Variants in TRA2A observed in about 807,000 individuals in gnomAD.
The protein encoded by TRA2A is transformer-2 protein homolog alpha.
A neutral mutation model predicts 45.7 loss-of-function variants in TRA2A; 31 were observed. That is an observed-to-expected ratio of 0.68 (90% CI 0.51 to 0.92). The LOEUF is 0.92. Ranked by LOEUF, TRA2A falls within the 40% of genes least tolerant of loss-of-function variation. The probability of loss-of-function intolerance (pLI) is 0.00; values close to 1 mark genes in which losing one functional copy is unlikely to be tolerated. For missense variants in TRA2A, 304 were observed against 367.5 expected (o/e 0.83, Z 1.41); for synonymous variants, 132 against 126.2 (o/e 1.05, Z -0.31).
intron 1 of TRA2A, chr7:23,522,091 A>T: frequency 7.5e-7 from 1 of 1,329,386 alleles, no homozygotes; most frequent in Non-Finnish European, 9.7e-7. Flanking sequence ...CTACAACTTG[A>T]TCATACAGAC....
Position 23,505,313 on chromosome 7 carries a change from T to C in TRA2A, c.*246A>G, listed in dbSNP as rs1043837186. On this transcript the variant is annotated 3_prime_UTR_variant, in exon 8 of 8. Coordinates refer to ENST00000297071, the MANE Select transcript of TRA2A (RefSeq NM_013293.5). ...AAAAAAAAATTTACAAAGCATAACA[T>C]AACATTGGGGTTCTTTTTATACTCA... The C allele has an allele frequency of 2.9e-4, 113 of 390,476 alleles. No homozygotes were observed. Among genetic ancestry groups the C allele is most frequent in the Non-Finnish European group, 4.8e-4 (106 of 219,624 alleles). The allele number at this position is 390,476 out of a possible 1,614,324, so 24.2% of individuals were successfully genotyped here.
At chr7:23,531,194 T>C (rs910593568) in intron 1 of TRA2A, 7 of 986,256 alleles carry the variant, frequency 7.1e-6, no homozygotes, top group Non-Finnish European at 8.4e-6. Context: ...TTCATTAGGC[T>C]CGTCCCACCT....
intron 2 of TRA2A, among the ~76,000 whole-genome samples, chr7:23,521,147 C>T (rs1189279570): frequency 1.3e-5 from 2 of 152,196 alleles, no homozygotes; most frequent in Non-Finnish European, 2.9e-5. Flanking sequence ...GAGCTCTACG[C>T]TGGACAGAGT....
chr7:23,529,959 T>C (rs1790503542), intron 1 of TRA2A, among the ~76,000 whole-genome samples: 2 of 150,856 alleles, frequency 1.3e-5, no homozygotes, highest in Admixed American at 1.3e-4. Context: ...TGTCGGCAAC[T>C]TACTCCTTTC....
At chr7:23,509,888 T>C (rs1005101858) in intron 4 of TRA2A, among the ~76,000 whole-genome samples, 1 of 151,946 alleles carries the variant, frequency 6.6e-6, no homozygotes, top group Non-Finnish European at 1.5e-5. Flanking sequence ...TAGCCGGGCA[T>C]GGTGGTGCGC....
At chr7:23,529,538 G>T (rs1012265730) in intron 1 of TRA2A, among the ~76,000 whole-genome samples, 2 of 152,330 alleles carry the variant, frequency 1.3e-5, no homozygotes, top group Admixed American at 1.3e-4. Flanking sequence ...TTGGATTACA[G>T]GCGTGAGCCA....
chr7:23,519,144 A>T (rs1366300023), intron 2 of TRA2A, among the ~76,000 whole-genome samples: 1 of 152,184 alleles, frequency 6.6e-6, no homozygotes, highest in Non-Finnish European at 1.5e-5. Flanking sequence ...CTGTAATCCC[A>T]GCCCTTTGGG....
chr7:23,531,015 C>T (rs1362203757), intron 1 of TRA2A, among the ~76,000 whole-genome samples: 1 of 151,872 alleles, frequency 6.6e-6, no homozygotes, highest in Admixed American at 6.6e-5. Context: ...AGAGAAAAAA[C>T]CCAACATCGA....
At chr7:23,516,750 G>A (rs527332845) in intron 2 of TRA2A, among the ~76,000 whole-genome samples, 2 of 151,346 alleles carry the variant, frequency 1.3e-5, no homozygotes, top group Non-Finnish European at 2.9e-5. Context: ...TTACAAAAAT[G>A]TTAAGGCCCC....
chr7:23,528,315 T>G (rs1410034515), intron 1 of TRA2A, among the ~76,000 whole-genome samples: 1 of 152,038 alleles, frequency 6.6e-6, no homozygotes, highest in Admixed American at 6.6e-5. Flanking sequence ...TTCAAGTGAT[T>G]CTCTGCCTCA....
At chr7:23,531,265 C>T in intron 1 of TRA2A, 1 of 987,432 alleles carries the variant, frequency 1.0e-6, no homozygotes, top group Non-Finnish European at 1.2e-6. Context: ...GAGACGCGGC[C>T]GCTCACTGAA....
At chr7:23,531,739 C>G in intron 1 of TRA2A, 50 bp downstream of exon 1, 1 of 1,608,336 alleles carries the variant, frequency 6.2e-7, no homozygotes, top group Non-Finnish European at 8.5e-7. Context: ...TCCCGTGAAA[C>G]CCCGAGCATT....
At chr7:23,515,423 G>C (rs1017340591) in intron 3 of TRA2A, among the ~76,000 whole-genome samples, 6 of 151,652 alleles carry the variant, frequency 4.0e-5, no homozygotes, top group Non-Finnish European at 7.4e-5. Context: ...TAGAGACAGG[G>C]TTTCACCGTG....
intron 1 of TRA2A, among the ~76,000 whole-genome samples, chr7:23,526,540 GAA>G (rs971124372): frequency 3.2e-4 from 48 of 152,234 alleles, no homozygotes; most frequent in African/African-American, 1.1e-3. Context: ...ACTTACTAAA[GAA>G]CTTCTTTAGG....
At chr7:23,524,777 C>T (rs1220770424) in intron 1 of TRA2A, among the ~76,000 whole-genome samples, 1 of 151,874 alleles carries the variant, frequency 6.6e-6, no homozygotes, top group Non-Finnish European at 1.5e-5. Context: ...CTGCAACCTC[C>T]GCCTCCCGGA....
intron 1 of TRA2A, chr7:23,531,454 C>T (rs941030600): frequency 8.1e-6 from 3 of 370,104 alleles, no homozygotes; most frequent in Admixed American, 8.9e-5. Context: ...GCCGCCTCCT[C>T]CCGCCCAACC....
chr7:23,505,794 A>C lies in TRA2A; in HGVS notation c.790T>G (p.Tyr264Asp). The C allele has an allele frequency of 6.4e-7, 1 of 1,556,820 alleles. No homozygotes were observed. Reference protein sequence around the residue: ...YRYRRRSPSPYYSRYRSRSRS... With the variant: ...YRYRRRSPSPDYSRYRSRSRS... ...GATCGTGATCTATATCGACTATAAT[A>C]AGGAGAAGGTGATCGTCTTCTGTAA... Residue 264 changes from tyrosine (Y) to aspartate (D), a missense_variant, in exon 7 of 8, where the codon TAT becomes GAT. Tyr to Asp is a radical substitution (Grantham distance 160). Around this residue, in one of 3 missense-constraint regions of TRA2A, gnomAD observed 42 missense variants for 37.0 expected, o/e 1.14. Transcript: ENST00000297071.
At chr7:23,525,425 TC>T (rs945335218) in intron 1 of TRA2A, among the ~76,000 whole-genome samples, 3 of 152,220 alleles carry the variant, frequency 2.0e-5, no homozygotes, top group African/African-American at 7.2e-5. Context: ...GGCTCCTGCA[TC>T]CAATAACCAT....
intron 1 of TRA2A, among the ~76,000 whole-genome samples, chr7:23,524,479 C>CG (rs1322794770): frequency 2.6e-5 from 4 of 152,156 alleles, no homozygotes; most frequent in African/African-American, 9.6e-5. Context: ...CCACCGCGCC[C>CG]GGCCAACATC....
Sources: gnomAD v4.1 joint callset for allele counts (sites outside exome capture counted in the v4.1 genomes callset) on GRCh38, gnomAD v4.1.1 for gene constraint, gnomAD v4.1.1 regional missense constraint, MANE v1.5 for transcripts, NCBI Gene and HGNC (gene_info 2026-07-23, HGNC 2026-07-21) for gene names.